Variants in ST8SIA2 observed in about 807,000 individuals in gnomAD.
ST8SIA2 encodes the protein ST8 alpha-N-acetyl-neuraminide alpha-2,8-sialyltransferase 2.
In ST8SIA2, 22 loss-of-function variants were observed where a neutral mutation model predicts 37.6. The ratio of observed to expected loss-of-function variants is 0.58; its 90% confidence interval spans 0.42 to 0.83. The LOEUF (loss-of-function observed/expected upper bound fraction) is 0.83, where lower values mean the gene tolerates loss of function less well. Ranked by LOEUF, ST8SIA2 falls within the 40% of genes least tolerant of loss-of-function variation. The probability of loss-of-function intolerance (pLI) is 0.00; values close to 1 mark genes in which losing one functional copy is unlikely to be tolerated. For synonymous variants in ST8SIA2, 205 were observed against 201.2 expected (o/e 1.02, Z -0.16); for missense variants, 382 against 484.7 (o/e 0.79, Z 1.99).
chr15:92,430,006 G>A, intron 1 of ST8SIA2, 43 bp from the exon 2 acceptor site: 1 of 1,610,118 alleles, frequency 6.2e-7, no homozygotes, highest in South Asian at 1.1e-5. Context: ...GCTTTGCAAA[G>A]ATGAGCTGGG....
chr15:92,409,030 C>T (rs1214952450), intron 1 of ST8SIA2, among the ~76,000 whole-genome samples: 1 of 152,130 alleles, frequency 6.6e-6, no homozygotes, highest in East Asian at 1.9e-4. Flanking sequence ...AGAGAAGACA[C>T]CCACTTTCAT....
intron 1 of ST8SIA2, chr15:92,422,286 G>C (rs2049640901): frequency 6.6e-6 from 1 of 152,216 alleles, no homozygotes; most frequent in Non-Finnish European, 1.5e-5. Flanking sequence ...GATGTCCTTA[G>C]CAGTTACATC....
At chr15:92,441,191 G>A (rs1336917183) in intron 4 of ST8SIA2, among the ~76,000 whole-genome samples, 1 of 152,214 alleles carries the variant, frequency 6.6e-6, no homozygotes, top group Admixed American at 6.5e-5. Flanking sequence ...TCTGTGTGGG[G>A]AACACAAGCT....
At chr15:92,413,815 G>A (rs552591058) in intron 1 of ST8SIA2, among the ~76,000 whole-genome samples, 2 of 152,340 alleles carry the variant, frequency 1.3e-5, no homozygotes, top group Admixed American at 1.3e-4. Flanking sequence ...CTTTCTTGCA[G>A]TTTTCTATAA....
intron 4 of ST8SIA2, among the ~76,000 whole-genome samples, chr15:92,440,107 C>G (rs1163098617): frequency 6.6e-6 from 1 of 152,154 alleles, no homozygotes; most frequent in Non-Finnish European, 1.5e-5. Context: ...CTTTTGGGAC[C>G]CTTTCACATA....
intron 2 of ST8SIA2, among the ~76,000 whole-genome samples, chr15:92,433,450 C>A (rs1311801088): frequency 3.3e-5 from 5 of 152,160 alleles, no homozygotes; most frequent in Non-Finnish European, 7.4e-5. Flanking sequence ...GCATAGATTT[C>A]AAGCCTCTGA....
chr15:92,404,638 A>G (rs4777971), intron 1 of ST8SIA2, among the ~76,000 whole-genome samples: 83,650 of 145,888 alleles, frequency 0.57, 24,182 homozygotes, highest in Middle Eastern at 0.64. Flanking sequence ...CCTGGCCAAC[A>G]TGGTGAAACC....
intron 5 of ST8SIA2, among the ~76,000 whole-genome samples, chr15:92,457,850 C>T (rs1267381139): frequency 6.6e-6 from 1 of 152,188 alleles, no homozygotes; most frequent in Non-Finnish European, 1.5e-5. Flanking sequence ...TGCCACTGAG[C>T]TCTGGATTCA....
chr15:92,424,170 G>A (rs2049657006), intron 1 of ST8SIA2, among the ~76,000 whole-genome samples: 1 of 152,170 alleles, frequency 6.6e-6, no homozygotes, highest in South Asian at 2.1e-4. Flanking sequence ...GTTTAAGTTG[G>A]CTCTAGACTC....
In ST8SIA2 at chr15:92,399,952, T is replaced by C. The variant is rs117111200; in HGVS notation, c.98+5790T>C. Among the ~76,000 whole-genome samples, 6 of 152,328 alleles carry C rather than the reference T, an allele frequency of 3.9e-5. No individual in the cohort carries two copies. The East Asian group carries it at 1.2e-3, about 29-fold the overall frequency. ...GCAGGGCATACAAAGCAACACATCA[T>C]CTGGTCTTTTGCCTCTGTCTGTAGC... On this transcript the variant is annotated intron_variant, in intron 1 of 5. Coordinates refer to ENST00000268164, the MANE Select transcript of ST8SIA2 (RefSeq NM_006011.4).
At position 92,406,838 on chromosome 15, in the gene ST8SIA2, A is replaced by G. The variant is rs565510152; in HGVS notation, c.98+12676A>G. Among the ~76,000 whole-genome samples the G allele has an allele frequency of 7.9e-5, 12 of 152,198 alleles. No homozygotes were observed. The South Asian group carries it at 2.5e-3, about 32-fold the overall frequency. ...TGGCGAAACCCATCTCTACAAAAAT[A>G]CAAAAATTAGCTGGGCGTGGTGGTG... On this transcript the variant is annotated intron_variant, in intron 1 of 5. Coordinates refer to ENST00000268164, the MANE Select transcript of ST8SIA2 (RefSeq NM_006011.4).
intron 1 of ST8SIA2, among the ~76,000 whole-genome samples, chr15:92,396,236 C>T (rs892464462): frequency 1.3e-5 from 2 of 152,212 alleles, no homozygotes; most frequent in South Asian, 2.1e-4. Context: ...AAGACACCCT[C>T]TCTCCCAGGC....
rs2049773623 is a variant in ST8SIA2 at position 92,438,225 on chromosome 15, CTCA to C, written c.291-123_291-121del. On this transcript the variant is annotated intron_variant, in intron 3 of 5. Transcript: ENST00000268164. The stretch of plus-strand genomic sequence containing the variant: ...ACCTGTTCTCGAGGGCATCTGAACT[CTCA>C]TCATACTCTGCGTGTTTGCTGGGCT... The C allele has an allele frequency of 1.0e-5, 14 of 1,388,600 alleles. No individual in the cohort carries two copies. The South Asian group carries it at 1.3e-4, about 13-fold the overall frequency. 86.0% of individuals were successfully genotyped at this position (1,388,600 alleles called of 1,614,324 possible).
intron 2 of ST8SIA2, among the ~76,000 whole-genome samples, 193 bp downstream of exon 2, chr15:92,430,304 G>C (rs961002842): frequency 6.6e-6 from 1 of 152,194 alleles, no homozygotes. Context: ...CCAAGGTCTA[G>C]AGGCTGCAGA....
intron 1 of ST8SIA2, 42 bp downstream of exon 1, chr15:92,394,204 G>C (rs146087367): frequency 1.3e-6 from 2 of 1,496,724 alleles, no homozygotes; most frequent in East Asian, 2.5e-5. Flanking sequence ...GCCCTGGCGG[G>C]ATCTCTCCCT....
At chr15:92,442,874 T>C (rs949896393) in intron 4 of ST8SIA2, among the ~76,000 whole-genome samples, 1 of 152,156 alleles carries the variant, frequency 6.6e-6, no homozygotes, top group African/African-American at 2.4e-5. Flanking sequence ...ATATACCTGA[T>C]CTTGACTCCT....
In ST8SIA2 at chr15:92,396,470, G is replaced by GTTTTT. The variant is rs111488508; in HGVS notation, c.98+2315_98+2319dup. ...GGTTTCTTTTTGTTTGTTTGTTTTT[G>GTTTTT]TTTTTTTTTTTGTCTTTTCTTTTTT... On this transcript the variant is annotated intron_variant, in intron 1 of 5. Coordinates refer to ENST00000268164, the MANE Select transcript of ST8SIA2 (RefSeq NM_006011.4). 5.7e-4 allele frequency among the ~76,000 whole-genome samples: 82 copies of GTTTTT among 143,656 alleles called. 1 individual carries two copies. Among genetic ancestry groups the GTTTTT allele is most frequent in the Middle Eastern group, 3.6e-3 (1 of 280 alleles). 94.2% of individuals were successfully genotyped at this position (143,656 alleles called of 152,430 possible).
intron 1 of ST8SIA2, among the ~76,000 whole-genome samples, chr15:92,396,157 G>T (rs1001060716): frequency 2.0e-5 from 3 of 152,166 alleles, no homozygotes; most frequent in African/African-American, 7.2e-5. Flanking sequence ...ACCTCCTGTG[G>T]CATCTTCCTT....
chr15:92,401,358 G>T (rs762388380), intron 1 of ST8SIA2, among the ~76,000 whole-genome samples: 1 of 152,218 alleles, frequency 6.6e-6, no homozygotes, highest in Non-Finnish European at 1.5e-5. Flanking sequence ...CTCTTGGGTG[G>T]CATCTGGGCT....
Sources: gnomAD v4.1 joint callset for allele counts (sites outside exome capture counted in the v4.1 genomes callset) on GRCh38, gnomAD v4.1.1 for gene constraint, MANE v1.5 for transcripts, NCBI Gene and HGNC (gene_info 2026-07-23, HGNC 2026-07-21) for gene names.